Variants in LAMP3 observed in about 807,000 individuals in gnomAD.
LAMP3 encodes lysosome associated membrane protein 3, also known as lysosome-associated membrane glycoprotein 3.
LAMP3 carries 26 observed loss-of-function variants against 34.8 expected under a neutral mutation model. That is an observed-to-expected ratio of 0.75 (90% CI 0.55 to 1.04). The LOEUF (loss-of-function observed/expected upper bound fraction) is 1.04, where lower values mean the gene tolerates loss of function less well. LAMP3 is among the 50% of genes least tolerant of loss of function. LAMP3 has a pLI of 0.00. For missense variants in LAMP3, 495 were observed against 524.0 expected (o/e 0.94, Z 0.54); for synonymous variants, 180 against 201.9 (o/e 0.89, Z 0.92).
chr3:183,152,991 T>A (rs6775326), intron 2 of LAMP3, among the ~76,000 whole-genome samples: 134,483 of 151,450 alleles, frequency 0.89, 59,736 homozygotes, highest in Middle Eastern at 0.92. Flanking sequence ...CCTGGCCAAC[T>A]TAGTGAAACC....
At chr3:183,140,405 C>A (rs1576876925) in intron 4 of LAMP3, 133 bp downstream of exon 4, 3 of 525,110 alleles carry the variant, frequency 5.7e-6, no homozygotes, top group African/African-American at 3.0e-5. Flanking sequence ...AGCAAGACTC[C>A]ATCTCAAAAA....
intron 3 of LAMP3, among the ~76,000 whole-genome samples, chr3:183,147,095 T>C (rs1054700476): frequency 2.6e-5 from 4 of 151,720 alleles, no homozygotes; most frequent in African/African-American, 9.7e-5. Flanking sequence ...TACAAAAAAT[T>C]AGCCGGGCGT....
At chr3:183,149,574 A>AATATATATAT (rs765127504) in intron 3 of LAMP3, among the ~76,000 whole-genome samples, 5 of 32,632 alleles carry the variant, frequency 1.5e-4, no homozygotes, top group Non-Finnish European at 2.1e-4. Flanking sequence ...AAAAAAAAAA[A>AATATATATAT]ATATATATAT....
Position 183,161,675 on chromosome 3 carries a change from C to T in LAMP3, c.49+932G>A, listed in dbSNP as rs998858565. 2.2e-4 allele frequency among the ~76,000 whole-genome samples: 33 copies of T among 152,248 alleles called. 1 individual carries two copies. The highest frequency in any genetic ancestry group is 1.4e-3 in the Admixed American group (22 of 15,288). ...AAGTGCTGGGATTGCAGGTGTGAGC[C>T]ACCACGCCTGGCCTGTCAATACCAT... On this transcript the variant is annotated intron_variant, in intron 1 of 5. Transcript: ENST00000265598.
rs369243367 is a variant in LAMP3, at chr3:183,153,677, C to A, written c.759+5G>T. Reference sequence around the variant, plus strand: ...TAGTGTTATAGTCCTGTGGCCCCAACTTACCGACTCCTTGTCTTGAACAAT... The same window carrying A: ...TAGTGTTATAGTCCTGTGGCCCCAAATTACCGACTCCTTGTCTTGAACAAT... On this transcript the variant is annotated splice_donor_5th_base_variant and intron_variant, in intron 2 of 5. Transcript: ENST00000265598. 1.3e-6 allele frequency: 2 copies of A among 1,512,802 alleles called. No homozygotes were observed. The highest frequency in any genetic ancestry group is 1.8e-6 in the Non-Finnish European group (2 of 1,130,872). 93.7% of individuals were successfully genotyped at this position (1,512,802 alleles called of 1,614,324 possible). A position where few individuals can be genotyped will look rare whatever the true frequency, so the allele number is the denominator to read the frequency against.
chr3:183,161,882 A>C, intron 1 of LAMP3: 1 of 780,132 alleles, frequency 1.3e-6, no homozygotes, highest in Non-Finnish European at 1.6e-6. Context: ...CGCAGGGGAG[A>C]ACTGCCTAGG....
intron 1 of LAMP3, among the ~76,000 whole-genome samples, chr3:183,155,255 A>G (rs986819778): frequency 6.6e-6 from 1 of 152,176 alleles, no homozygotes; most frequent in Non-Finnish European, 1.5e-5. Context: ...GATCTTTGCC[A>G]TGCGTTCATC....
intron 3 of LAMP3, 29 bp from the exon 4 acceptor site, chr3:183,140,624 G>A (rs1274067834): frequency 1.4e-6 from 2 of 1,382,116 alleles, no homozygotes; most frequent in Non-Finnish European, 2.1e-6. Context: ...TTAACCTTTG[G>A]GTTATCTCTA....
chr3:183,132,511 C>A (rs554934222), intron 5 of LAMP3: 1 of 985,262 alleles, frequency 1.0e-6, no homozygotes, highest in African/African-American at 1.7e-5. Flanking sequence ...CGCTTTCTCC[C>A]TTCTCACAAG....
chr3:183,156,950 A>T (rs895209855), intron 1 of LAMP3, among the ~76,000 whole-genome samples: 1 of 152,206 alleles, frequency 6.6e-6, no homozygotes, highest in African/African-American at 2.4e-5. Flanking sequence ...AAAGCAGAGG[A>T]GAGAGGAACA....
Position 183,136,916 on chromosome 3 carries a change from G to A in LAMP3, c.947-1029C>T, listed in dbSNP as rs868475922. 1.1e-4 allele frequency among the ~76,000 whole-genome samples: 16 copies of A among 152,214 alleles called. No homozygotes were observed. The South Asian group carries it at 2.7e-3, about 26-fold the overall frequency. ...CCAAGTACTTGGGAGGCTGAGGTGG[G>A]AGGATCATTTGAGCCCAGGAGTTCG... is the stretch of plus-strand genomic sequence containing the variant. On this transcript the variant is annotated intron_variant, in intron 4 of 5. Coordinates refer to ENST00000265598, the MANE Select transcript of LAMP3 (RefSeq NM_014398.4).
chr3:183,131,872 A>T (rs1576869895), intron 5 of LAMP3: 1 of 935,816 alleles, frequency 1.1e-6, no homozygotes, highest in East Asian at 1.2e-4. Context: ...TAACATCCTA[A>T]GCCATATTTT....
intron 2 of LAMP3, 72 bp from the exon 3 acceptor site, chr3:183,152,575 G>GCTCACAAA: frequency 7.1e-7 from 1 of 1,400,448 alleles, no homozygotes; most frequent in Non-Finnish European, 9.7e-7. Flanking sequence ...AGATGCACAG[G>GCTCACAAA]CTAGTTTGTG....
intron 1 of LAMP3, chr3:183,161,987 T>A (rs1485398327): frequency 2.0e-6 from 2 of 985,030 alleles, no homozygotes; most frequent in African/African-American, 3.5e-5. Flanking sequence ...CTTGAGCATG[T>A]TAGCCGGGCG....
At chr3:183,162,005 C>A (rs937034579) in intron 1 of LAMP3, 3 of 984,874 alleles carry the variant, frequency 3.0e-6, no homozygotes, top group Non-Finnish European at 3.6e-6. Flanking sequence ...GCGGTAGGGA[C>A]GGAGACAGTT....
At position 183,132,018 on chromosome 3, in the gene LAMP3, C is replaced by T. The variant is rs371573750; in HGVS notation, c.1117+3699G>A. ...CCTGCTTGCCATTCCATATTGTCTC[C>T]CTGCTCTGTCTCCCTCCTGTCCTGC... On this transcript the variant is annotated intron_variant, in intron 5 of 5. Transcript: ENST00000265598. The T allele has an allele frequency of 5.1e-6, 5 of 985,352 alleles. No homozygotes were observed. The East Asian group carries it at 5.7e-4, about 112-fold the overall frequency. 61.0% of individuals were successfully genotyped at this position (985,352 alleles called of 1,614,324 possible). A position where few individuals can be genotyped will look rare whatever the true frequency, so the allele number is the denominator to read the frequency against.
Position 183,154,468 on chromosome 3 carries a change from T to C in LAMP3, c.50-77A>G, listed in dbSNP as rs1343305091. On this transcript the variant is annotated intron_variant, in intron 1 of 5. Transcript: ENST00000265598. ...GTTCCCTCTCCCATCCCCATCTTAA[T>C]GTCTGTTCATAAAAAAACCTAACAT... 7 of 1,127,372 alleles carry C rather than the reference T, an allele frequency of 6.2e-6. No individual in the cohort carries two copies. In the East Asian group the frequency reaches 7.1e-5, roughly 11 times the overall value. 69.8% of individuals were successfully genotyped at this position (1,127,372 alleles called of 1,614,324 possible). A position where few individuals can be genotyped will look rare whatever the true frequency, so the allele number is the denominator to read the frequency against.
intron 1 of LAMP3, chr3:183,161,905 G>A (rs749536746): frequency 1.4e-5 from 13 of 950,168 alleles, no homozygotes; most frequent in Non-Finnish European, 1.5e-5. Context: ...AGGGCAGCTG[G>A]CACGACCCTT....
chr3:183,145,676 C>T (rs1052726901), intron 3 of LAMP3, among the ~76,000 whole-genome samples: 2 of 151,970 alleles, frequency 1.3e-5, no homozygotes, highest in Non-Finnish European at 2.9e-5. Flanking sequence ...GCCAACATGG[C>T]GAAACCCCGT....
Sources: allele counts gnomAD v4.1 joint callset (sites outside exome capture counted in the v4.1 genomes callset), GRCh38; gene constraint gnomAD v4.1.1; transcripts MANE v1.5; gene names NCBI Gene and HGNC (gene_info 2026-07-23, HGNC 2026-07-21).